The following BIRC6 variants were observed in gnomAD, a reference collection of about 807,000 sequenced individuals.
The protein encoded by BIRC6 is baculoviral IAP repeat containing 6, also known as dual E2 ubiquitin-conjugating enzyme/E3 ubiquitin-protein ligase BIRC6.
A neutral mutation model predicts 503.3 loss-of-function variants in BIRC6; 98 were observed. The observed-to-expected ratio is 0.19, with a 90% CI of 0.17 to 0.23. The LOEUF (loss-of-function observed/expected upper bound fraction) is 0.23. Ranked by LOEUF, BIRC6 falls within the 10% of genes least tolerant of loss-of-function variation. The probability of loss-of-function intolerance (pLI) is 1.00; values close to 1 mark genes in which losing one functional copy is unlikely to be tolerated. For synonymous variants in BIRC6, 2,240 were observed against 2,078.7 expected (o/e 1.08, Z -2.11); for missense variants, 5,360 against 5,806.0 (o/e 0.92, Z 2.50).
chr2:32,368,863 G>A (rs777852846), intron 1 of BIRC6, among the ~76,000 whole-genome samples: 7 of 152,148 alleles, frequency 4.6e-5, no homozygotes, highest in Non-Finnish European at 1.0e-4. Flanking sequence ...TGTTGGCCAG[G>A]CTGGTCTGGA....
chr2:32,363,087 T>G (rs1249300904), intron 1 of BIRC6, among the ~76,000 whole-genome samples: 2 of 152,160 alleles, frequency 1.3e-5, no homozygotes, highest in Non-Finnish European at 2.9e-5. Flanking sequence ...TCCCAGCACC[T>G]TGGGAGGCTG....
intron 45 of BIRC6, among the ~76,000 whole-genome samples, chr2:32,495,794 T>TG (rs2052378714): frequency 2.0e-5 from 3 of 148,888 alleles, no homozygotes; most frequent in South Asian, 4.2e-4. Flanking sequence ...GATGAAGTTT[T>TG]TTTTTTTTTT....
intron 12 of BIRC6, among the ~76,000 whole-genome samples, chr2:32,432,499 G>T (rs1342167145): frequency 6.6e-6 from 1 of 152,118 alleles, no homozygotes; most frequent in Non-Finnish European, 1.5e-5. Context: ...GCTCACATCT[G>T]TAATCCTAGC....
At chr2:32,404,465 C>A (rs1164439234) in intron 8 of BIRC6, among the ~76,000 whole-genome samples, 3 of 151,440 alleles carry the variant, frequency 2.0e-5, no homozygotes, top group African/African-American at 7.3e-5. Flanking sequence ...CTGACCCGTG[C>A]CACCATGCCT....
chr2:32,391,742 T>C (rs2039259682), intron 4 of BIRC6, among the ~76,000 whole-genome samples: 2 of 152,250 alleles, frequency 1.3e-5, no homozygotes, highest in Admixed American at 1.3e-4. Context: ...TCTGGTACTT[T>C]CTGTTATAGT....
chr2:32,525,900 A>C (rs1040046245), intron 59 of BIRC6, among the ~76,000 whole-genome samples: 2 of 152,306 alleles, frequency 1.3e-5, no homozygotes, highest in South Asian at 4.1e-4. Context: ...TGATTGATGA[A>C]ATAGACATTT....
chr2:32,612,896 T>G (rs2062976051), intron 73 of BIRC6, among the ~76,000 whole-genome samples: 1 of 152,212 alleles, frequency 6.6e-6, no homozygotes, highest in Non-Finnish European at 1.5e-5. Context: ...TGAAACAGAT[T>G]GTCTTCTTTC....
intron 23 of BIRC6, among the ~76,000 whole-genome samples, chr2:32,456,570 C>T (rs1455790529): frequency 6.6e-6 from 1 of 152,150 alleles, no homozygotes; most frequent in Non-Finnish European, 1.5e-5. Flanking sequence ...CTTTTTGCTA[C>T]TGGTTCCTCT....
At position 32,463,567 on chromosome 2, in the gene BIRC6, T is replaced by A. The variant is rs573423341; in HGVS notation, c.4941+186T>A. 1.3e-3 allele frequency among the ~76,000 whole-genome samples: 191 copies of A among 152,354 alleles called. 1 individual carries two copies. The highest frequency in any genetic ancestry group is 4.4e-3 in the African/African-American group (183 of 41,580). On this transcript the variant is annotated intron_variant, in intron 24 of 73. Transcript: ENST00000421745. ...TTGGTTAAAATTGTATGAATACATC[T>A]TATTTGATACATATTTGAGGGAATA...
At chr2:32,506,447 G>A (rs1454617793) in intron 50 of BIRC6, among the ~76,000 whole-genome samples, 1 of 152,218 alleles carries the variant, frequency 6.6e-6, no homozygotes, top group Non-Finnish European at 1.5e-5. Flanking sequence ...CTAGTACACG[G>A]TGTTTTAGGA....
intron 65 of BIRC6, among the ~76,000 whole-genome samples, chr2:32,571,465 G>T (rs570570412): frequency 7.9e-6 from 1 of 127,082 alleles, no homozygotes; most frequent in Non-Finnish European, 1.6e-5. Context: ...TAGAAATTCA[G>T]TTTGTTTCTT....
intron 38 of BIRC6, 110 bp from the exon 39 acceptor site, chr2:32,482,319 G>A (rs2050498334): frequency 2.8e-6 from 3 of 1,067,980 alleles, no homozygotes; most frequent in Admixed American, 2.4e-5. Flanking sequence ...AATTTAAAGG[G>A]TGGATAGAAT....
At chr2:32,447,564 G>C (rs1372423785) in intron 21 of BIRC6, among the ~76,000 whole-genome samples, 1 of 105,264 alleles carries the variant, frequency 9.5e-6, no homozygotes, top group Non-Finnish European at 1.9e-5. Flanking sequence ...GGGCAGAGGC[G>C]CCCCTCACCT....
chr2:32,556,947 A>AAAAG (rs56778828), intron 65 of BIRC6, among the ~76,000 whole-genome samples: 150,417 of 151,888 alleles, frequency 0.99, 74,496 homozygotes, highest in Non-Finnish European at 1. Flanking sequence ...TCAAAAAACA[A>AAAAG]AAAGAAAGAA....
intron 61 of BIRC6, among the ~76,000 whole-genome samples, chr2:32,540,806 A>T (rs982498005): frequency 1.3e-5 from 2 of 151,874 alleles, no homozygotes; most frequent in African/African-American, 4.8e-5. Context: ...ACTATACCTT[A>T]TTGTGTGTAT....
In BIRC6 at chr2:32,436,296, G is replaced by A. The variant is rs979345143; in HGVS notation, c.3631+112G>A. 7 of 1,000,244 alleles carry A rather than the reference G, an allele frequency of 7.0e-6. No individual in the cohort carries two copies. The African/African-American group carries it at 1.0e-4, about 14-fold the overall frequency. The allele number at this position is 1,000,244 out of a possible 1,614,324, so 62.0% of individuals were successfully genotyped here. ...ATTGTTTTCTTTGGGACTTTCGTTC[G>A]AAATTTCATCAGTTTTCTGGTAGCT... On this transcript the variant is annotated intron_variant, in intron 15 of 73. Transcript: ENST00000421745.
chr2:32,410,371 T>G (rs2041729570), intron 9 of BIRC6, among the ~76,000 whole-genome samples: 2 of 152,134 alleles, frequency 1.3e-5, no homozygotes, highest in Admixed American at 1.3e-4. Context: ...GTAGAGAAAA[T>G]ATACATGAAT....
rs2043492742 is a variant in BIRC6, at chr2:32,426,361, G to A, written c.2873-2785G>A. 3.3e-5 allele frequency among the ~76,000 whole-genome samples: 5 copies of A among 152,288 alleles called. No homozygotes were observed. The South Asian group carries it at 8.3e-4, about 25-fold the overall frequency. On this transcript the variant is annotated intron_variant, in intron 10 of 73. Coordinates refer to ENST00000421745, the MANE Select transcript of BIRC6 (RefSeq NM_016252.4). The stretch of plus-strand genomic sequence containing the variant: ...CTTACGCCTGTAATCCCAGCACTTT[G>A]GGAGGTCAAGGCGGGCAGATCACCT...
Position 32,505,157 on chromosome 2 carries a change from G to A in BIRC6, c.9652G>A (p.Val3218Met). 3 of 1,594,352 alleles carry A rather than the reference G, an allele frequency of 1.9e-6. No homozygotes were observed. Among genetic ancestry groups the A allele is most frequent in the Non-Finnish European group, 2.6e-6 (3 of 1,169,674 alleles). The change falls in exon 50 of 74, where the codon GTG becomes ATG. Residue 3218 changes from valine to methionine, a missense_variant. Val to Met is a conservative substitution (Grantham distance 21, BLOSUM62 1). Transcript: ENST00000421745. ...CCTTACCATTCACCTTCCTGCAGCAGTGCTGCTTAAGGAGATACATATCCA... is the reference window on the plus strand; with the variant it reads ...CCTTACCATTCACCTTCCTGCAGCAATGCTGCTTAAGGAGATACATATCCA... Reference protein sequence around the residue: ...CDLTIHLPAAVLLKEIHIQPH... With the variant: ...CDLTIHLPAAMLLKEIHIQPH...
Sources: allele counts gnomAD v4.1 joint callset (sites outside exome capture counted in the v4.1 genomes callset), GRCh38; gene constraint gnomAD v4.1.1; transcripts MANE v1.5; gene names NCBI Gene and HGNC (gene_info 2026-07-23, HGNC 2026-07-21).